The following TSHR variants were observed in gnomAD, a reference collection of about 807,000 sequenced individuals.
TSHR encodes thyrotropin receptor.
TSHR carries 51 observed loss-of-function variants against 64.1 expected under a neutral mutation model. The observed-to-expected ratio is 0.80, with a 90% CI of 0.64 to 1.01. The LOEUF (loss-of-function observed/expected upper bound fraction) is 1.01. Among genes scored for constraint, TSHR ranks in the 50% least tolerant of loss-of-function variants. The probability of loss-of-function intolerance (pLI) is 0.00; values close to 1 mark genes in which losing one functional copy is unlikely to be tolerated. For missense variants in TSHR, 877 were observed against 942.8 expected, an observed-to-expected ratio of 0.93 and a Z score of 0.91; for synonymous variants, 361 against 361.9, an observed-to-expected ratio of 1.00 and a Z score of 0.03.
intron 1 of TSHR, among the ~76,000 whole-genome samples, chr14:80,964,298 T>C (rs1887185787): frequency 6.6e-6 from 1 of 152,230 alleles, no homozygotes; most frequent in Non-Finnish European, 1.5e-5. Context: ...GTTATTTTCA[T>C]CTGTGTGAAC....
chr14:80,966,982 T>C (rs553183369), intron 1 of TSHR, among the ~76,000 whole-genome samples: 1 of 152,192 alleles, frequency 6.6e-6, no homozygotes, highest in Admixed American at 6.5e-5. Flanking sequence ...TAAACGAATT[T>C]CCTCCCAAAA....
chr14:81,101,831 A>G (rs965433032), intron 7 of TSHR, among the ~76,000 whole-genome samples: 1 of 152,116 alleles, frequency 6.6e-6, no homozygotes, highest in African/African-American at 2.4e-5. Flanking sequence ...GTGTGTGCAC[A>G]CTTCACATAA....
intron 1 of TSHR, among the ~76,000 whole-genome samples, chr14:81,055,059 G>A (rs1013733590): frequency 6.6e-6 from 1 of 152,064 alleles, no homozygotes; most frequent in Non-Finnish European, 1.5e-5. Context: ...TGGCATGGTG[G>A]GCTGGGCCTA....
chr14:81,001,818 C>G (rs1412892474), intron 1 of TSHR: 1 of 274,654 alleles, frequency 3.6e-6, no homozygotes, highest in Non-Finnish European at 7.2e-6. Flanking sequence ...TCACCTCAGG[C>G]CACTTAGGGG....
chr14:81,110,070 T>G (rs949934013), intron 8 of TSHR, among the ~76,000 whole-genome samples: 3 of 152,228 alleles, frequency 2.0e-5, no homozygotes, highest in African/African-American at 7.2e-5. Flanking sequence ...TTTGGAAATA[T>G]TCACATATTA....
chr14:81,052,304 T>C (rs1885479315), intron 1 of TSHR: 1 of 152,220 alleles, frequency 6.6e-6, no homozygotes, highest in African/African-American at 2.4e-5. Context: ...GAAGAGACTG[T>C]TCTTTCCTCA....
chr14:81,102,772 A>G, intron 7 of TSHR: 1 of 985,164 alleles, frequency 1.0e-6, no homozygotes, highest in Non-Finnish European at 1.2e-6. Flanking sequence ...GGATAAAAGT[A>G]TTCAGTGAGG....
intron 1 of TSHR, chr14:81,033,316 A>G (rs1289226000): frequency 2.7e-6 from 1 of 372,468 alleles, no homozygotes; most frequent in Non-Finnish European, 5.2e-6. Context: ...GAGTGAAGAC[A>G]CTCCGAGAGT....
intron 1 of TSHR, chr14:80,994,102 A>G (rs1247483021): frequency 2.0e-5 from 3 of 152,142 alleles, no homozygotes; most frequent in Middle Eastern, 3.2e-3. Flanking sequence ...GACCTTTATG[A>G]TGAGTCACTT....
intron 3 of TSHR, chr14:81,078,890 G>T (rs1887691826): frequency 6.6e-6 from 1 of 152,206 alleles, no homozygotes; most frequent in African/African-American, 2.4e-5. Context: ...ACAGAGAGCA[G>T]AAAATCACCC....
At chr14:81,051,000 A>C (rs928000146) in intron 1 of TSHR, 3 of 152,484 alleles carry the variant, frequency 2.0e-5, no homozygotes, top group African/African-American at 7.2e-5. Context: ...TGTAGCATGC[A>C]ATGCTGTTTG....
chr14:81,048,118 T>C (rs943471731), intron 1 of TSHR, among the ~76,000 whole-genome samples: 2 of 152,146 alleles, frequency 1.3e-5, no homozygotes, highest in Non-Finnish European at 2.9e-5. Flanking sequence ...ATGAGGAGGG[T>C]GGATATTATT....
Position 80,996,398 on chromosome 14 carries a change from T to A in TSHR, c.170+40548T>A, listed in dbSNP as rs545295097. ...TTTCCATGATTCGTATTCATTTTTTTAAAACTTTCGTCTATGATCTAGTAA... is the reference window on the plus strand; with the variant it reads ...TTTCCATGATTCGTATTCATTTTTTAAAAACTTTCGTCTATGATCTAGTAA... On this transcript the variant is annotated intron_variant, in intron 1 of 9. Coordinates refer to ENST00000298171, the MANE Select transcript of TSHR (RefSeq NM_000369.5). Among the ~76,000 whole-genome samples the A allele has an allele frequency of 4.7e-4, 72 of 152,280 alleles. No homozygotes were observed. The East Asian group carries it at 0.013, about 27-fold the overall frequency.
At chr14:81,092,146 C>A (rs553392969) in intron 5 of TSHR, among the ~76,000 whole-genome samples, 1 of 152,176 alleles carries the variant, frequency 6.6e-6, no homozygotes, top group East Asian at 1.9e-4. Flanking sequence ...TAAATGAAAT[C>A]CTTTAATCCT....
chr14:80,961,912 T>C (rs1456731875), intron 1 of TSHR, among the ~76,000 whole-genome samples: 2 of 152,224 alleles, frequency 1.3e-5, no homozygotes, highest in Non-Finnish European at 2.9e-5. Context: ...TTTAAAGTAC[T>C]TGAATGCTTG....
At chr14:81,135,154 G>C (rs989939852) in intron 8 of TSHR, among the ~76,000 whole-genome samples, 1 of 152,154 alleles carries the variant, frequency 6.6e-6, no homozygotes, top group Non-Finnish European at 1.5e-5. Flanking sequence ...GACATGCAAA[G>C]ACTCAGAAAA....
intron 2 of TSHR, among the ~76,000 whole-genome samples, chr14:81,067,997 G>A (rs970367030): frequency 3.6e-4 from 51 of 141,770 alleles, no homozygotes; most frequent in African/African-American, 1.4e-3. Flanking sequence ...GGAGTTTGGG[G>A]AAAGTTTCTG....
intron 1 of TSHR, chr14:81,052,918 C>A (rs1312487954): frequency 6.6e-6 from 1 of 151,658 alleles, no homozygotes; most frequent in East Asian, 1.9e-4. Flanking sequence ...TTCATCAGTT[C>A]TAACAAATTT....
intron 3 of TSHR, among the ~76,000 whole-genome samples, chr14:81,084,770 T>C (rs1888161553): frequency 6.6e-6 from 1 of 152,212 alleles, no homozygotes; most frequent in Non-Finnish European, 1.5e-5. Context: ...ACTCAGGCCA[T>C]AATTGCTTAA....
Sources: allele counts gnomAD v4.1 joint callset (sites outside exome capture counted in the v4.1 genomes callset), GRCh38; gene constraint gnomAD v4.1.1; transcripts MANE v1.5; gene names NCBI Gene and HGNC (gene_info 2026-07-23, HGNC 2026-07-21).